Variants in PLXNC1 observed in about 807,000 individuals in gnomAD.
PLXNC1 encodes the protein plexin-C1.
PLXNC1 carries 75 observed loss-of-function variants against 178.2 expected under a neutral mutation model. The observed-to-expected ratio is 0.42, with a 90% CI of 0.35 to 0.51. The LOEUF is 0.51. Among genes scored for constraint, PLXNC1 ranks in the 20% least tolerant of loss-of-function variants. The pLI is 0.02. For missense variants in PLXNC1, 1,503 were observed against 1,984.4 expected, an observed-to-expected ratio of 0.76 and a Z score of 4.61; for synonymous variants, 790 against 779.9, an observed-to-expected ratio of 1.01 and a Z score of -0.22.
chr12:94,285,073 G>A (rs1470248764), intron 23 of PLXNC1, among the ~76,000 whole-genome samples: 1 of 151,690 alleles, frequency 6.6e-6, no homozygotes, highest in Admixed American at 6.6e-5. Flanking sequence ...AAGTCACGTG[G>A]ATGGGAGGGA....
chr12:94,246,686 AGCCTGCTAGGAGTTAAG>A (rs764628886), intron 12 of PLXNC1, among the ~76,000 whole-genome samples: 1 of 152,208 alleles, frequency 6.6e-6, no homozygotes, highest in Non-Finnish European at 1.5e-5. Context: ...GTAAAAAGCC[AGCCTGCTAGGAGTTAAG>A]GCTGCTGAGG....
chr12:94,152,980 T>A (rs1961014732), intron 1 of PLXNC1, among the ~76,000 whole-genome samples: 1 of 152,232 alleles, frequency 6.6e-6, no homozygotes, highest in Non-Finnish European at 1.5e-5. Context: ...CTGTAGCAGG[T>A]TAACTGCAGC....
intron 1 of PLXNC1, 52 bp downstream of exon 1, chr12:94,150,085 C>T (rs1450284141): frequency 7.1e-7 from 1 of 1,403,718 alleles, no homozygotes; most frequent in Admixed American, 2.6e-5. Flanking sequence ...GGGGAGCCGC[C>T]GCCGCCGCCG....
chr12:94,177,165 ATATATATATACGTATATATATG>A lies in PLXNC1; in HGVS notation c.1204-4270_1204-4249del, dbSNP rs1442899560. On this transcript the variant is annotated intron_variant, in intron 2 of 30. Transcript: ENST00000258526. ...TGTGTGTGTGTATATATATATGTAT[ATATATATATACGTATATATATG>A]TATATATATATACGTATATATATAT... is the stretch of plus-strand genomic sequence containing the variant. Among the ~76,000 whole-genome samples the A allele has an allele frequency of 4.7e-4, 30 of 63,362 alleles. 1 individual carries two copies. The highest frequency in any genetic ancestry group is 1.4e-3 in the Admixed American group (8 of 5,924). The allele number at this position is 63,362 out of a possible 152,430, so 41.6% of individuals were successfully genotyped here. A position where few individuals can be genotyped will look rare whatever the true frequency, so the allele number is the denominator to read the frequency against.
chr12:94,261,672 C>T (rs1964991589), intron 20 of PLXNC1, among the ~76,000 whole-genome samples: 1 of 152,182 alleles, frequency 6.6e-6, no homozygotes, highest in Non-Finnish European at 1.5e-5. Context: ...TTTAATTTTA[C>T]CAGCCATCCA....
Position 94,303,732 on chromosome 12 carries a change from CTTTTTTT to C in PLXNC1, c.4387-13_4387-7del. On this transcript the variant is annotated splice_polypyrimidine_tract_variant and intron_variant, in intron 28 of 30. Transcript: ENST00000258526. Reference sequence around the variant, plus strand: ...TTTTTTACTCTTTTGGTGATGGTTGCTTTTTTTTTTTTTTTTTCCCCAGGAAGCACCA... The same window carrying C: ...TTTTTTACTCTTTTGGTGATGGTTGCTTTTTTTTTTCCCCAGGAAGCACCA... The C allele has an allele frequency of 1.1e-5, 9 of 843,718 alleles. No individual in the cohort carries two copies. The highest frequency in any genetic ancestry group is 3.9e-5 in the East Asian group (1 of 25,370). The allele number at this position is 843,718 out of a possible 1,614,324, so 52.3% of individuals were successfully genotyped here.
chr12:94,190,930 C>T (rs1962696800), intron 4 of PLXNC1, among the ~76,000 whole-genome samples: 1 of 152,246 alleles, frequency 6.6e-6, no homozygotes, highest in Admixed American at 6.5e-5. Flanking sequence ...CATCTCTCTG[C>T]ACCTGCCTAC....
Position 94,306,693 on chromosome 12 carries a change from C to T in PLXNC1, c.*1408C>T, listed in dbSNP as rs904146642. ...TATTCCTTGAAATCATTTACCAACA[C>T]TGTATGGAGCATTAGGATTTAAATA... On this transcript the variant is annotated 3_prime_UTR_variant, in exon 31 of 31. Coordinates refer to ENST00000258526, the MANE Select transcript of PLXNC1 (RefSeq NM_005761.3). The T allele has an allele frequency of 1.3e-5, 2 of 152,166 alleles. No individual in the cohort carries two copies. Among genetic ancestry groups the T allele is most frequent in the Admixed American group, 6.5e-5 (1 of 15,268 alleles). 9.4% of individuals were successfully genotyped at this position (152,166 alleles called of 1,614,324 possible). A position where few individuals can be genotyped will look rare whatever the true frequency, so the allele number is the denominator to read the frequency against.
chr12:94,269,410 G>A (rs116238297), intron 21 of PLXNC1, among the ~76,000 whole-genome samples: 1,887 of 152,246 alleles, frequency 0.012, 47 homozygotes, highest in African/African-American at 0.043. Context: ...TCTTTCTCTA[G>A]CAGTTACCAT....
rs1967690258 is a variant in PLXNC1 at position 94,294,370 on chromosome 12, A to C, written c.3880-116A>C. The C allele has an allele frequency of 2.6e-5, 15 of 587,732 alleles. 1 individual carries two copies. Among genetic ancestry groups the C allele is most frequent in the South Asian group, 2.5e-4 (13 of 52,370 alleles). 36.4% of individuals were successfully genotyped at this position (587,732 alleles called of 1,614,324 possible). A position where few individuals can be genotyped will look rare whatever the true frequency, so the allele number is the denominator to read the frequency against. ...CCCAGAACATAGTAATTCTTGATAA[A>C]TATTTGATTTAATAAGTGACAGCAT... On this transcript the variant is annotated intron_variant, in intron 23 of 30. Transcript: ENST00000258526.
rs562312649 is a variant in PLXNC1, at chr12:94,156,441, G to C, written c.1062+6408G>C. On this transcript the variant is annotated intron_variant, in intron 1 of 30. Transcript: ENST00000258526. Reference sequence around the variant, plus strand: ...CAAACATCTACTCCCTCCCACCTGAGTATGCCTCAGGCCTGCCTTGATCCC... The same window carrying C: ...CAAACATCTACTCCCTCCCACCTGACTATGCCTCAGGCCTGCCTTGATCCC... Among the ~76,000 whole-genome samples, 32 of 150,026 alleles carry C rather than the reference G, an allele frequency of 2.1e-4. No individual in the cohort carries two copies. In the South Asian group the frequency reaches 4.4e-3, roughly 21 times the overall value.
In PLXNC1 at chr12:94,240,600, G is replaced by C; in HGVS notation, c.2236G>C (p.Gly746Arg). ...TGATGGTGGGAACTGCTCTTCTGTG[G>C]GATCCTTATCCTACATTGCTCTGCC... ...QFDGGNCSSV[G>R]SLSYIALPHC... The change falls in exon 11 of 31, where the codon GGA becomes CGA. Residue 746 changes from glycine (G) to arginine (R), a missense_variant. Physicochemically the swap from Gly to Arg is moderately radical, Grantham distance 125. Transcript: ENST00000258526. 1.2e-6 allele frequency: 2 copies of C among 1,613,960 alleles called. No homozygotes were observed. Among genetic ancestry groups the C allele is most frequent in the Non-Finnish European group, 1.7e-6 (2 of 1,179,850 alleles).
At chr12:94,205,537 A>G (rs1396123892) in intron 4 of PLXNC1, among the ~76,000 whole-genome samples, 1 of 152,214 alleles carries the variant, frequency 6.6e-6, no homozygotes, top group African/African-American at 2.4e-5. Context: ...AATGCATTTT[A>G]TATTAGAAAC....
rs1328222704 is a variant in PLXNC1 at position 94,156,675 on chromosome 12, G to T, written c.1062+6642G>T. ...ATAAAATCATTTCTTAAACAATATGGTTCCTGGAGGAGAGACACTGGAAAC... is the reference window on the plus strand; with the variant it reads ...ATAAAATCATTTCTTAAACAATATGTTTCCTGGAGGAGAGACACTGGAAAC... On this transcript the variant is annotated intron_variant, in intron 1 of 30. Coordinates refer to ENST00000258526, the MANE Select transcript of PLXNC1 (RefSeq NM_005761.3). 6.7e-5 allele frequency among the ~76,000 whole-genome samples: 10 copies of T among 148,394 alleles called. 1 individual carries two copies. The highest frequency in any genetic ancestry group is 1.5e-5 in the Non-Finnish European group (1 of 67,118).
chr12:94,292,990 C>T (rs2136197529), intron 23 of PLXNC1, among the ~76,000 whole-genome samples: 1 of 152,296 alleles, frequency 6.6e-6, no homozygotes, highest in Non-Finnish European at 1.5e-5. Context: ...CCTGGCCTTT[C>T]CTAATCACTA....
chr12:94,294,920 G>A (rs997089883), intron 24 of PLXNC1, among the ~76,000 whole-genome samples: 12 of 152,182 alleles, frequency 7.9e-5, no homozygotes, highest in African/African-American at 2.4e-4. Flanking sequence ...CGAAGCAAGC[G>A]CTGAACAAAC....
At chr12:94,235,815 C>T (rs981279803) in intron 9 of PLXNC1, among the ~76,000 whole-genome samples, 1 of 152,046 alleles carries the variant, frequency 6.6e-6, no homozygotes, top group Non-Finnish European at 1.5e-5. Context: ...TTTGTCATGG[C>T]CCATACAAAA....
rs375403794 is a variant in PLXNC1 at position 94,237,721 on chromosome 12, G to A, written c.2038G>A (p.Val680Met). ...QKVSTLGKSNVIVTGANFTRA... is the reference protein window; with the variant it reads ...QKVSTLGKSNMIVTGANFTRA... ...AGTATCGACATTAGGGAAAAGCAAC[G>A]TGATAGTAACGGGAGCAAACTTTAC... The change falls in exon 10 of 31, where the codon GTG (valine) becomes ATG (methionine). Residue 680 changes from valine to methionine, a missense_variant. Physicochemically the swap from Val to Met is conservative, Grantham distance 21. Transcript: ENST00000258526. 8 of 1,613,718 alleles carry A rather than the reference G, an allele frequency of 5.0e-6. No individual in the cohort carries two copies. Among genetic ancestry groups the A allele is most frequent in the East Asian group, 2.2e-5 (1 of 44,892 alleles).
intron 12 of PLXNC1, among the ~76,000 whole-genome samples, 172 bp downstream of exon 12, chr12:94,244,197 C>T (rs999470959): frequency 1.1e-4 from 17 of 152,078 alleles, no homozygotes; most frequent in Non-Finnish European, 1.9e-4. Context: ...AGACCTTATC[C>T]TTGTAGCTGA....
Sources: allele counts gnomAD v4.1 joint callset (sites outside exome capture counted in the v4.1 genomes callset), GRCh38; gene constraint gnomAD v4.1.1; transcripts MANE v1.5; gene names NCBI Gene and HGNC (gene_info 2026-07-23, HGNC 2026-07-21).